The following PML variants were observed in gnomAD, a reference collection of about 807,000 sequenced individuals.
The protein encoded by PML is PML nuclear body scaffold.
A neutral mutation model predicts 65.2 loss-of-function variants in PML; 28 were observed. The ratio of observed to expected loss-of-function variants is 0.43; its 90% CI spans 0.32 to 0.59. PML has a LOEUF of 0.59. Among genes scored for constraint, PML ranks in the 20% least tolerant of loss-of-function variants. The pLI, the probability that PML is intolerant of heterozygous loss-of-function variation, is 0.08. For missense variants in PML, 1,021 were observed against 1,203.4 expected, an observed-to-expected ratio of 0.85 and a Z score of 2.24; for synonymous variants, 500 against 508.8, an observed-to-expected ratio of 0.98 and a Z score of 0.23.
At chr15:73,999,314 G>A (rs149004276) in intron 2 of PML, among the ~76,000 whole-genome samples, 1 of 152,190 alleles carries the variant, frequency 6.6e-6, no homozygotes, top group Non-Finnish European at 1.5e-5. Context: ...CATAGAAGGC[G>A]CTTCTTGGTT....
chr15:74,036,052 A>G (rs749968529), intron 7 of PML: 1 of 1,613,988 alleles, frequency 6.2e-7, no homozygotes, highest in Non-Finnish European at 8.5e-7. Context: ...ACAGAGTAGC[A>G]CTCATTAATT....
At position 74,035,063 on chromosome 15, in the gene PML, G is replaced by A; in HGVS notation, c.1710+533G>A. The stretch of plus-strand genomic sequence containing the variant: ...CCCTAGAGGTTTATTACTAGAGGCT[G>A]GACTATCACCTGTCCAGGGGAAAAG... On this transcript the variant is annotated intron_variant, in intron 7 of 8. Coordinates refer to ENST00000268058, the MANE Select transcript of PML (RefSeq NM_033238.3). This position sits in a 1 kb window ranked among gnomAD's most constrained non-coding sequence, Gnocchi z 4.1. 1.5e-6 allele frequency: 2 copies of A among 1,343,060 alleles called. No homozygotes were observed. Among genetic ancestry groups the A allele is most frequent in the Non-Finnish European group, 2.1e-6 (2 of 944,986 alleles). 83.2% of individuals were successfully genotyped at this position (1,343,060 alleles called of 1,614,324 possible).
Position 74,035,329 on chromosome 15 carries a change from C to T in PML, c.1710+799C>T, listed in dbSNP as rs751955342. ...GGCACATACCACCCCCCAGCTTGGC[C>T]TCCCCACCAGCCCGCTGAGCAGGCT... On this transcript the variant is annotated intron_variant, in intron 7 of 8. Coordinates refer to ENST00000268058, the MANE Select transcript of PML (RefSeq NM_033238.3). The surrounding 1 kb of genome is among the most constrained non-coding windows in gnomAD (Gnocchi z 4.1). 1 of 1,612,608 alleles carries T rather than the reference C, an allele frequency of 6.2e-7. No homozygotes were observed. The highest frequency in any genetic ancestry group is 1.1e-5 in the South Asian group (1 of 91,076).
intron 2 of PML, among the ~76,000 whole-genome samples, chr15:74,017,395 C>G (rs2070643148): frequency 6.6e-6 from 1 of 152,072 alleles, no homozygotes; most frequent in African/African-American, 2.4e-5. Flanking sequence ...GCCTGTGATC[C>G]CAGCACTTTG....
chr15:73,996,423 T>C (rs2069514544), intron 1 of PML, among the ~76,000 whole-genome samples: 1 of 152,214 alleles, frequency 6.6e-6, no homozygotes, highest in South Asian at 2.1e-4. Context: ...CTGTATAACA[T>C]CCTGAGCTAC....
chr15:74,031,645 T>C (rs527414920), intron 4 of PML, among the ~76,000 whole-genome samples: 1 of 152,366 alleles, frequency 6.6e-6, no homozygotes, highest in South Asian at 2.1e-4. Context: ...AAGCTTTTGT[T>C]TAACCGTCTG....
chr15:74,024,983 G>A lies in PML; in HGVS notation c.1254+56G>A, dbSNP rs748780846. On this transcript the variant is annotated intron_variant, in intron 4 of 8. Transcript: ENST00000268058. ...TGGTGGGGCCCAGCAGGTCAGGCAG[G>A]TTGTGAGTCCTGCTGTCCCTGTGTG... 4.3e-6 allele frequency: 5 copies of A among 1,171,960 alleles called. No homozygotes were observed. In the African/African-American group the frequency reaches 6.0e-5, roughly 14 times the overall value. The allele number at this position is 1,171,960 out of a possible 1,614,324, so 72.6% of individuals were successfully genotyped here.
At position 74,045,830 on chromosome 15, in the gene PML, T is replaced by C. The variant is rs1011684859; in HGVS notation, c.*822T>C. ...CAGGACCTGCGGCATCAGCATCCCC[T>C]GGGAGCTTCTTAGAAATGCAGACCT... On this transcript the variant is annotated 3_prime_UTR_variant, in exon 9 of 9. Coordinates refer to ENST00000268058, the MANE Select transcript of PML (RefSeq NM_033238.3). The C allele has an allele frequency of 2.6e-5, 6 of 232,136 alleles. No homozygotes were observed. The East Asian group carries it at 3.6e-4, about 14-fold the overall frequency. The allele number at this position is 232,136 out of a possible 1,614,324, so 14.4% of individuals were successfully genotyped here.
chr15:73,999,936 G>A (rs1185844326), intron 2 of PML, among the ~76,000 whole-genome samples: 8 of 149,294 alleles, frequency 5.4e-5, no homozygotes, highest in South Asian at 2.1e-4. Flanking sequence ...CCGGGTTCAC[G>A]CCATTTTCCT....
intron 1 of PML, among the ~76,000 whole-genome samples, chr15:73,997,121 C>T (rs1245818852): frequency 6.6e-6 from 1 of 152,218 alleles, no homozygotes; most frequent in Non-Finnish European, 1.5e-5. Flanking sequence ...TGGTGTTCAC[C>T]CCATTGGTTG....
rs572356958 is a variant in PML at position 74,015,624 on chromosome 15, G to A, written c.603-7204G>A. Among the ~76,000 whole-genome samples the A allele has an allele frequency of 3.9e-5, 6 of 152,306 alleles. No individual in the cohort carries two copies. The East Asian group carries it at 1.2e-3, about 29-fold the overall frequency. ...ATAGTGGCCTATCTGTACTGGGGAG[G>A]GGACACCCCAAATCTGACATTGACA... On this transcript the variant is annotated intron_variant, in intron 2 of 8. Transcript: ENST00000268058.
In PML at chr15:74,035,359, C is replaced by G. The variant is rs1304984468; in HGVS notation, c.1710+829C>G. ...CACCAGCCCGCTGAGCAGGCTGCCA[C>G]CCCCGATGCTGAGCCTCACAGCGAG... On this transcript the variant is annotated intron_variant, in intron 7 of 8. Coordinates refer to ENST00000268058, the MANE Select transcript of PML (RefSeq NM_033238.3). The surrounding 1 kb of genome is among the most constrained non-coding windows in gnomAD (Gnocchi z 4.1). 6 of 1,611,860 alleles carry G rather than the reference C, an allele frequency of 3.7e-6. No individual in the cohort carries two copies. Among genetic ancestry groups the G allele is most frequent in the Non-Finnish European group, 5.1e-6 (6 of 1,179,914 alleles).
At chr15:74,000,033 C>T (rs2069688057) in intron 2 of PML, among the ~76,000 whole-genome samples, 2 of 151,998 alleles carry the variant, frequency 1.3e-5, no homozygotes, top group African/African-American at 2.4e-5. Context: ...GACAGGGTTT[C>T]ACTATAATGG....
intron 2 of PML, among the ~76,000 whole-genome samples, chr15:74,008,755 A>C (rs1469746102): frequency 1.3e-5 from 2 of 150,944 alleles, no homozygotes; most frequent in African/African-American, 2.4e-5. Context: ...AAAAAAAAAA[A>C]GGAAAACCCA....
chr15:74,006,837 A>G (rs2070083196), intron 2 of PML, among the ~76,000 whole-genome samples: 1 of 152,066 alleles, frequency 6.6e-6, no homozygotes, highest in South Asian at 2.1e-4. Flanking sequence ...GAGGGGAGCA[A>G]GAGAGAGAGA....
chr15:74,028,837 CTT>C (rs1368390443), intron 4 of PML, among the ~76,000 whole-genome samples: 46 of 152,366 alleles, frequency 3.0e-4, no homozygotes, highest in African/African-American at 8.4e-4. Flanking sequence ...AATTTCCTTT[CTT>C]TTTAAAGCTG....
chr15:74,024,954 G>C, intron 4 of PML, 27 bp downstream of exon 4: 1 of 1,539,620 alleles, frequency 6.5e-7, no homozygotes, highest in Non-Finnish European at 9.0e-7. Flanking sequence ...GTCTGAAGGG[G>C]TGGTGGTGGG....
chr15:74,009,219 A>G lies in PML; in HGVS notation c.602+10743A>G, dbSNP rs576344656. Among the ~76,000 whole-genome samples the G allele has an allele frequency of 5.9e-5, 9 of 152,334 alleles. No homozygotes were observed. In the East Asian group the frequency reaches 1.3e-3, roughly 23 times the overall value. On this transcript the variant is annotated intron_variant, in intron 2 of 8. Transcript: ENST00000268058. ...AAAATTTGCTGGATGGAGTTGGGGA[A>G]TTAATCCAGCTGAAAGAGCTTGAAT...
chr15:74,014,738 G>C (rs545230960), intron 2 of PML, among the ~76,000 whole-genome samples: 8 of 151,784 alleles, frequency 5.3e-5, no homozygotes, highest in African/African-American at 1.9e-4. Flanking sequence ...CTCTAGCCTG[G>C]GTGGCAGAGC....
Sources: allele counts gnomAD v4.1 joint callset (sites outside exome capture counted in the v4.1 genomes callset), GRCh38; gene constraint gnomAD v4.1.1; non-coding constraint Gnocchi (gnomAD v3.1); transcripts MANE v1.5; gene names NCBI Gene and HGNC (gene_info 2026-07-23, HGNC 2026-07-21).